The following SUMF2 variants were observed in gnomAD, a reference collection of about 807,000 sequenced individuals.
SUMF2 encodes the protein sulfatase modifying factor 2.
Under a neutral mutation model 44.8 loss-of-function variants are expected in SUMF2, and 45 were observed. That is an observed-to-expected ratio of 1.00 (90% confidence interval 0.79 to 1.29). The LOEUF (loss-of-function observed/expected upper bound fraction) is 1.29. SUMF2 is among the 50% of genes most tolerant of loss of function. The pLI is 0.00. For synonymous variants in SUMF2, 148 were observed against 150.4 expected (o/e 0.98, Z 0.12); for missense variants, 418 against 389.9 (o/e 1.07, Z -0.61).
downstream of SUMF2, chr7:56,081,335 C>A (rs762736461): frequency 6.2e-5 from 97 of 1,575,994 alleles, no homozygotes; most frequent in Non-Finnish European, 7.7e-5. This position sits in a 1 kb window ranked among gnomAD's most constrained non-coding sequence, Gnocchi z 4.6. Flanking sequence ...GCTGCAGCCC[C>A]CGCCCTGCCA....
chr7:56,079,472 G>T lies in SUMF2; in HGVS notation c.822-56G>T, dbSNP rs1795826832. ...CGGATGAGGCAGGCAAGATGGGTAA[G>T]CCCTAGGCCTTTTTCTCAGGACGTG... On this transcript the variant is annotated intron_variant, in intron 8 of 8. Coordinates refer to ENST00000434526, the MANE Select transcript of SUMF2 (RefSeq NM_015411.4). 2.6e-6 allele frequency: 4 copies of T among 1,543,652 alleles called. No homozygotes were observed. The African/African-American group carries it at 5.4e-5, about 21-fold the overall frequency.
At chr7:56,074,248 T>G in intron 4 of SUMF2, 30 bp downstream of exon 4, 1 of 1,607,842 alleles carries the variant, frequency 6.2e-7, no homozygotes, top group Admixed American at 1.7e-5. Flanking sequence ...CCTCATTTTC[T>G]ACCCCTGCTT....
At chr7:56,079,116 A>C (rs551404748) in intron 8 of SUMF2, 1 of 478,552 alleles carries the variant, frequency 2.1e-6, no homozygotes, top group South Asian at 4.5e-5. Context: ...TCAAGCAATC[A>C]GCCCGCCTTG....
Position 56,079,981 on chromosome 7 carries a change from C to A in SUMF2, c.*369C>A. Reference sequence around the variant, plus strand: ...CTTTCTCCCTGGATGATTCAGGAAGCTGACATTGTTTCCTCAAGGCAGAAT... The same window carrying A: ...CTTTCTCCCTGGATGATTCAGGAAGATGACATTGTTTCCTCAAGGCAGAAT... On this transcript the variant is annotated 3_prime_UTR_variant, in exon 9 of 9. Coordinates refer to ENST00000434526, the MANE Select transcript of SUMF2 (RefSeq NM_015411.4). The A allele has an allele frequency of 9.2e-7, 1 of 1,085,494 alleles. No individual in the cohort carries two copies. Among genetic ancestry groups the A allele is most frequent in the Non-Finnish European group, 1.3e-6 (1 of 769,950 alleles). 67.2% of individuals were successfully genotyped at this position (1,085,494 alleles called of 1,614,324 possible).
intron 2 of SUMF2, among the ~76,000 whole-genome samples, chr7:56,069,003 C>A (rs764220263): frequency 6.6e-6 from 1 of 152,052 alleles, no homozygotes; most frequent in African/African-American, 2.4e-5. Flanking sequence ...TGAGCCACTG[C>A]ACTTGGCCTC....
downstream of SUMF2, chr7:56,081,709 T>C (rs1276659011): frequency 6.2e-7 from 1 of 1,613,994 alleles, no homozygotes; most frequent in Non-Finnish European, 8.5e-7. This position sits in a 1 kb window ranked among gnomAD's most constrained non-coding sequence, Gnocchi z 4.6. Flanking sequence ...CAAGGCCTCT[T>C]CCGCTGTGTA....
rs1279845068 is a variant in SUMF2, at chr7:56,079,910, C to G, written c.*298C>G. On this transcript the variant is annotated 3_prime_UTR_variant, in exon 9 of 9. Transcript: ENST00000434526. The stretch of plus-strand genomic sequence containing the variant: ...ACACACAAACAATTGGAACAGAGCA[C>G]TCTGAAAGGCCATTTTTTAAGCATT... 2 of 1,446,536 alleles carry G rather than the reference C, an allele frequency of 1.4e-6. No individual in the cohort carries two copies. The highest frequency in any genetic ancestry group is 1.8e-6 in the Non-Finnish European group (2 of 1,083,048). 89.6% of individuals were successfully genotyped at this position (1,446,536 alleles called of 1,614,324 possible).
chr7:56,082,264 A>G, downstream of SUMF2: 1 of 1,606,368 alleles, frequency 6.2e-7, no homozygotes. Flanking sequence ...CTGCAGGAAC[A>G]GTCATCATCA....
At chr7:56,083,862 CG>C (rs1286163300), downstream of SUMF2, 12 of 660,500 alleles carry the variant, frequency 1.8e-5, no homozygotes, top group Non-Finnish European at 2.4e-5. Context: ...GGAGAGGAGC[CG>C]GGGAAGTGAG....
At chr7:56,084,004 A>AGAATTTTTCCCCTGG, downstream of SUMF2, 1 of 617,834 alleles carries the variant, frequency 1.6e-6, no homozygotes, top group Non-Finnish European at 2.8e-6. Flanking sequence ...TTCCCCTGGA[A>AGAATTTTTCCCCTGG]AAATTTTTCC....
chr7:56,067,894 GAAAAA>G (rs71015177), intron 1 of SUMF2, among the ~76,000 whole-genome samples: 1 of 72,818 alleles, frequency 1.4e-5, no homozygotes, highest in Admixed American at 1.5e-4. Context: ...ATCCTGTCAC[GAAAAA>G]AAAAAAAAAA....
chr7:56,079,746 T>C lies in SUMF2; in HGVS notation c.*134T>C, dbSNP rs756169556. Reference sequence around the variant, plus strand: ...CTTCCCCTTCCCTGTCTCCCATCCCTCTGTGGCAGGCGCCTCTCACCAGGG... The same window carrying C: ...CTTCCCCTTCCCTGTCTCCCATCCCCCTGTGGCAGGCGCCTCTCACCAGGG... On this transcript the variant is annotated 3_prime_UTR_variant, in exon 9 of 9. Coordinates refer to ENST00000434526, the MANE Select transcript of SUMF2 (RefSeq NM_015411.4). The C allele has an allele frequency of 1.9e-6, 3 of 1,574,702 alleles. No homozygotes were observed. In the South Asian group the frequency reaches 3.4e-5, roughly 18 times the overall value.
downstream of SUMF2, chr7:56,083,705 CT>C: frequency 6.3e-7 from 1 of 1,578,070 alleles, no homozygotes. Context: ...AAGAGCTCCC[CT>C]CTCTTCATCC....
chr7:56,068,194 C>T (rs1448515330), intron 1 of SUMF2, among the ~76,000 whole-genome samples: 5 of 151,656 alleles, frequency 3.3e-5, no homozygotes, highest in Non-Finnish European at 7.4e-5. Context: ...CCACCACGCC[C>T]GGCTAATTTT....
intron 3 of SUMF2, 149 bp from the exon 4 acceptor site, chr7:56,074,014 CAAAAAAAAAAA>C (rs56927689): frequency 4.4e-4 from 142 of 320,810 alleles, no homozygotes; most frequent in Middle Eastern, 3.6e-3. Flanking sequence ...GATCTTGTCT[CAAAAAAAAAAA>C]AAAAAAAAAA....
chr7:56,064,342 C>G lies in SUMF2; in HGVS notation c.31C>G (p.Leu11Val), dbSNP rs776004887. The G allele has an allele frequency of 1.2e-6, 2 of 1,602,798 alleles. No homozygotes were observed. The highest frequency in any genetic ancestry group is 1.7e-6 in the Non-Finnish European group (2 of 1,175,270). ...CCGGCATGGGTTACCGCTGCTGCCC[C>G]TGCTGTCGCTCCTGGTCGGCGCGTG... MARHGLPLLPLLSLLVGAWLK... is the reference protein window; with the variant it reads MARHGLPLLPVLSLLVGAWLK... Residue 11 changes from leucine to valine, a missense_variant, in exon 1 of 9, where the codon CTG becomes GTG. Leu to Val is a conservative substitution (Grantham distance 32). Transcript: ENST00000434526.
At chr7:56,078,059 T>C in intron 6 of SUMF2, 43 bp from the exon 7 acceptor site, 2 of 1,554,952 alleles carry the variant, frequency 1.3e-6, no homozygotes, top group Non-Finnish European at 1.8e-6. Context: ...GGACCTGCTT[T>C]GGGACAGGTG....
chr7:56,074,967 A>G (rs113489271), intron 5 of SUMF2, among the ~76,000 whole-genome samples: 6 of 152,196 alleles, frequency 3.9e-5, no homozygotes, highest in African/African-American at 1.4e-4. Flanking sequence ...GCCTGGTGGC[A>G]TGTGCCTGTA....
downstream of SUMF2, among the ~76,000 whole-genome samples, chr7:56,085,047 G>T (rs1420147955): frequency 2.0e-5 from 3 of 152,030 alleles, no homozygotes; most frequent in Non-Finnish European, 4.4e-5. Context: ...TGCAACCTCT[G>T]CTTCCTGGGT....
Sources: allele counts gnomAD v4.1 joint callset (sites outside exome capture counted in the v4.1 genomes callset), GRCh38; gene constraint gnomAD v4.1.1; non-coding constraint Gnocchi (gnomAD v3.1); transcripts MANE v1.5; gene names NCBI Gene and HGNC (gene_info 2026-07-23, HGNC 2026-07-21).